Variants in SYT16 observed in about 807,000 individuals in gnomAD.
SYT16 encodes the protein synaptotagmin-16.
Under a neutral mutation model 61.4 loss-of-function variants are expected in SYT16, and 42 were observed. The observed-to-expected ratio is 0.68, with a 90% CI of 0.53 to 0.89. The LOEUF is 0.89. Ranked by LOEUF, SYT16 falls within the 40% of genes least tolerant of loss-of-function variation. SYT16 has a pLI of 0.00. For missense variants in SYT16, 804 were observed against 807.3 expected (o/e 1.00, Z 0.05); for synonymous variants, 314 against 302.3 (o/e 1.04, Z -0.40).
chr14:62,078,352 G>C (rs1046003479), intron 5 of SYT16, among the ~76,000 whole-genome samples: 1 of 152,098 alleles, frequency 6.6e-6, no homozygotes, highest in Non-Finnish European at 1.5e-5. Flanking sequence ...GGATAATCTT[G>C]TCTGGGAATT....
chr14:61,872,285 T>G (rs1022693755), intron 1 of SYT16, among the ~76,000 whole-genome samples: 4 of 152,204 alleles, frequency 2.6e-5, no homozygotes, highest in African/African-American at 7.2e-5. Context: ...AGTACATATA[T>G]AATGTTTTGA....
intron 1 of SYT16, among the ~76,000 whole-genome samples, chr14:61,844,523 G>T (rs755080318): frequency 5.3e-5 from 8 of 152,068 alleles, no homozygotes; most frequent in Non-Finnish European, 1.0e-4. Context: ...CTATGGGTCT[G>T]TTATATATGG....
intron 1 of SYT16, among the ~76,000 whole-genome samples, chr14:61,893,714 T>C (rs1379210061): frequency 6.6e-6 from 1 of 152,170 alleles, no homozygotes; most frequent in Admixed American, 6.5e-5. Flanking sequence ...TAGAATCTTA[T>C]GATTTCAGAG....
intron 1 of SYT16, among the ~76,000 whole-genome samples, chr14:61,846,704 CTTG>C (rs1221122724): frequency 6.6e-6 from 1 of 152,014 alleles, no homozygotes; most frequent in Non-Finnish European, 1.5e-5. Flanking sequence ...TTGTCATTTT[CTTG>C]TTGTTTTATG....
At chr14:61,993,912 A>G (rs1029109676) in intron 2 of SYT16, among the ~76,000 whole-genome samples, 9 of 152,162 alleles carry the variant, frequency 5.9e-5, no homozygotes, top group African/African-American at 1.9e-4. Context: ...CAATGGGGAT[A>G]AAATAGAGAA....
intron 3 of SYT16, among the ~76,000 whole-genome samples, chr14:62,039,958 A>G (rs1304429281): frequency 1.3e-5 from 2 of 152,146 alleles, no homozygotes; most frequent in Non-Finnish European, 2.9e-5. Flanking sequence ...AGTGCTGGAT[A>G]CAAGAATGAT....
At chr14:62,039,429 A>C (rs971631625) in intron 3 of SYT16, among the ~76,000 whole-genome samples, 1 of 152,212 alleles carries the variant, frequency 6.6e-6, no homozygotes, top group Non-Finnish European at 1.5e-5. Flanking sequence ...TCCACATATT[A>C]TGTATGCTAG....
intron 7 of SYT16, among the ~76,000 whole-genome samples, chr14:62,098,619 C>T (rs188865606): frequency 4.6e-5 from 7 of 152,304 alleles, no homozygotes; most frequent in African/African-American, 1.2e-4. Flanking sequence ...AAAAGTTGAG[C>T]TTCCTGACTA....
At chr14:61,874,178 T>C (rs983342053) in intron 1 of SYT16, among the ~76,000 whole-genome samples, 1 of 152,220 alleles carries the variant, frequency 6.6e-6, no homozygotes, top group East Asian at 1.9e-4. Flanking sequence ...ATTTTGTTCC[T>C]ATTGACAAGG....
intron 1 of SYT16, chr14:61,865,062 A>G: frequency 7.1e-7 from 1 of 1,399,076 alleles, no homozygotes. Flanking sequence ...TGCAGGCTCG[A>G]CTGTGCAGCT....
chr14:62,049,481 A>C (rs2055168154), intron 3 of SYT16, among the ~76,000 whole-genome samples: 1 of 152,170 alleles, frequency 6.6e-6, no homozygotes. Flanking sequence ...TTTACATTTA[A>C]GGTTAATATT....
At position 62,080,826 on chromosome 14, in the gene SYT16, T is replaced by C; in HGVS notation, c.994-8T>C. ...TCCATTTCTAATTGTTTCCTCTGCCTGCAACAGGAACAGGACAGGACCAAT... is the reference window on the plus strand; with the variant it reads ...TCCATTTCTAATTGTTTCCTCTGCCCGCAACAGGAACAGGACAGGACCAAT... On this transcript the variant is annotated splice_region_variant and splice_polypyrimidine_tract_variant and intron_variant, in intron 5 of 7. Transcript: ENST00000683842. 1.3e-6 allele frequency: 2 copies of C among 1,583,150 alleles called. No homozygotes were observed.
At chr14:62,053,507 A>G (rs555415501) in intron 3 of SYT16, among the ~76,000 whole-genome samples, 1 of 152,320 alleles carries the variant, frequency 6.6e-6, no homozygotes, top group South Asian at 2.1e-4. Flanking sequence ...CTCATCTCTT[A>G]TAACAAATCT....
At chr14:61,848,698 T>A (rs1365313184) in intron 1 of SYT16, among the ~76,000 whole-genome samples, 2 of 152,204 alleles carry the variant, frequency 1.3e-5, no homozygotes, top group African/African-American at 4.8e-5. Flanking sequence ...GGTCCAGACA[T>A]GTTCTCTGGG....
At chr14:61,899,099 C>T (rs1468043748) in intron 1 of SYT16, among the ~76,000 whole-genome samples, 1 of 152,158 alleles carries the variant, frequency 6.6e-6, no homozygotes, top group Non-Finnish European at 1.5e-5. Context: ...ATATGATTTT[C>T]ATGTATTTTC....
chr14:61,863,189 A>G (rs1331583794), intron 1 of SYT16, among the ~76,000 whole-genome samples: 3 of 152,194 alleles, frequency 2.0e-5, no homozygotes, highest in Non-Finnish European at 2.9e-5. Flanking sequence ...TTTGTTAAGA[A>G]ACTTCCAAAC....
chr14:61,818,398 A>G (rs1186265603), intron 1 of SYT16, among the ~76,000 whole-genome samples: 1 of 152,108 alleles, frequency 6.6e-6, no homozygotes, highest in Admixed American at 6.6e-5. Context: ...AGATGACAGC[A>G]GCCAGGCGCG....
Position 62,075,406 on chromosome 14 carries a change from T to C in SYT16, c.993+15T>C. ...GGAGTCCAGAGGCAAGTTATTTGTT[T>C]TTCATTCTTTCATTGGTTCCCTTTC... On this transcript the variant is annotated intron_variant, in intron 5 of 7. Coordinates refer to ENST00000683842, the MANE Select transcript of SYT16 (RefSeq NM_001367656.1). The C allele has an allele frequency of 6.3e-7, 1 of 1,584,060 alleles. No individual in the cohort carries two copies. The highest frequency in any genetic ancestry group is 8.6e-7 in the Non-Finnish European group (1 of 1,157,442).
intron 1 of SYT16, chr14:61,832,226 A>T: frequency 1.6e-6 from 1 of 631,780 alleles, no homozygotes; most frequent in Non-Finnish European, 3.1e-6. Context: ...CATGGGCCAC[A>T]TCGGGTACGG....
Sources: allele counts gnomAD v4.1 joint callset (sites outside exome capture counted in the v4.1 genomes callset), GRCh38; gene constraint gnomAD v4.1.1; transcripts MANE v1.5; gene names NCBI Gene and HGNC (gene_info 2026-07-23, HGNC 2026-07-21).